Variants in ARHGAP21 observed in about 807,000 individuals in gnomAD.
The protein encoded by ARHGAP21 is rho GTPase-activating protein 21.
Under a neutral mutation model 164.6 loss-of-function variants are expected in ARHGAP21, and 38 were observed. The observed-to-expected ratio is 0.23, with a 90% CI of 0.18 to 0.30. The LOEUF (loss-of-function observed/expected upper bound fraction) is 0.30, where lower values mean the gene tolerates loss of function less well. Ranked by LOEUF, ARHGAP21 falls within the 10% of genes least tolerant of loss-of-function variation. ARHGAP21 has a pLI of 1.00. For synonymous variants in ARHGAP21, 766 were observed against 857.9 expected (o/e 0.89, Z 1.87); for missense variants, 1,822 against 2,370.7 (o/e 0.77, Z 4.81).
At chr10:24,626,781 C>T (rs1383790708) in intron 7 of ARHGAP21, among the ~76,000 whole-genome samples, 2 of 151,998 alleles carry the variant, frequency 1.3e-5, no homozygotes, top group African/African-American at 2.4e-5. Context: ...GCAATAAACA[C>T]GAACCTGTCT....
intron 4 of ARHGAP21, among the ~76,000 whole-genome samples, chr10:24,647,150 G>A (rs935716054): frequency 1.3e-4 from 20 of 152,130 alleles, no homozygotes; most frequent in African/African-American, 3.9e-4. Flanking sequence ...TTCATGCACT[G>A]TTTTTCAAAC....
chr10:24,673,011 A>G (rs1219384891), intron 2 of ARHGAP21, among the ~76,000 whole-genome samples: 9 of 152,238 alleles, frequency 5.9e-5, no homozygotes, highest in Admixed American at 2.0e-4. Flanking sequence ...GATTTGTAAG[A>G]TCTACAAACT....
chr10:24,637,867 T>A (rs1836543332), intron 4 of ARHGAP21, among the ~76,000 whole-genome samples: 1 of 127,906 alleles, frequency 7.8e-6, no homozygotes, highest in Non-Finnish European at 1.6e-5. Context: ...CTTGCTCACA[T>A]TTTTTTTTTT....
rs771558851 is a variant in ARHGAP21, at chr10:24,620,243, T to A, written c.1652A>T (p.Lys551Ile). 1 of 1,613,966 alleles carries A rather than the reference T, an allele frequency of 6.2e-7. No homozygotes were observed. The highest frequency in any genetic ancestry group is 1.3e-5 in the African/African-American group (1 of 75,022). Residue 551 changes from lysine to isoleucine, a missense_variant, in exon 9 of 26, where the codon AAA becomes ATA. Lys to Ile is a moderately radical substitution (Grantham distance 102, BLOSUM62 -3). This residue lies in a region of ARHGAP21 where 1,090 missense variants were observed against 1,378.9 expected (regional missense o/e 0.79). Coordinates refer to ENST00000396432, the MANE Select transcript of ARHGAP21 (RefSeq NM_020824.4). ...CERPRQQEIH[K>I]SFRGSNFTVA... ...AGTAAAATTGGAACCTCGAAAAGATTTATGAATTTCTTGCTGCCTAGGTCT... is the reference window on the plus strand; with the variant it reads ...AGTAAAATTGGAACCTCGAAAAGATATATGAATTTCTTGCTGCCTAGGTCT...
intron 6 of ARHGAP21, among the ~76,000 whole-genome samples, chr10:24,631,901 T>A (rs1835890215): frequency 6.6e-6 from 1 of 152,022 alleles, no homozygotes; most frequent in African/African-American, 2.4e-5. Context: ...GCTAATTTTT[T>A]GTAGAGACAG....
At chr10:24,650,231 C>T (rs1225019648) in intron 4 of ARHGAP21, among the ~76,000 whole-genome samples, 2 of 152,052 alleles carry the variant, frequency 1.3e-5, no homozygotes, top group Admixed American at 6.6e-5. Context: ...TGGAGCCAGG[C>T]GCAGTGGCTC....
At chr10:24,626,233 C>A (rs1203429507) in intron 7 of ARHGAP21, among the ~76,000 whole-genome samples, 1 of 152,132 alleles carries the variant, frequency 6.6e-6, no homozygotes, top group Non-Finnish European at 1.5e-5. Flanking sequence ...GAAGTATGCC[C>A]CGATCTAGTT....
chr10:24,597,318 C>T (rs1289345696), intron 16 of ARHGAP21, 129 bp downstream of exon 16: 1 of 1,237,344 alleles, frequency 8.1e-7, no homozygotes, highest in Non-Finnish European at 1.1e-6. Flanking sequence ...CCAGACCAAG[C>T]CTACTATGAA....
chr10:24,697,924 G>C (rs1031021409), intron 2 of ARHGAP21, among the ~76,000 whole-genome samples: 1 of 151,946 alleles, frequency 6.6e-6, no homozygotes, highest in African/African-American at 2.4e-5. Flanking sequence ...TTCAACTAAA[G>C]AGCCAGTAGT....
chr10:24,605,243 T>C (rs1359011179), intron 11 of ARHGAP21, among the ~76,000 whole-genome samples: 8 of 152,288 alleles, frequency 5.3e-5, no homozygotes, highest in Admixed American at 3.9e-4. Flanking sequence ...CTGCACTACA[T>C]TGATTTCTGA....
chr10:24,625,733 T>C lies in ARHGAP21; in HGVS notation c.496-2971A>G, dbSNP rs985470726. ...CTTAAATAGGATATTGTACTGATAA[T>C]AGAACACATGAAATGCTTATTTTAA... On this transcript the variant is annotated intron_variant, in intron 7 of 25. Transcript: ENST00000396432. Among the ~76,000 whole-genome samples, 77 of 152,174 alleles carry C rather than the reference T, an allele frequency of 5.1e-4. 1 individual carries two copies. Among genetic ancestry groups the C allele is most frequent in the Admixed American group, 3.8e-3 (58 of 15,270 alleles).
chr10:24,683,095 CAAAAAA>C (rs200968718), intron 2 of ARHGAP21, among the ~76,000 whole-genome samples: 40 of 88,996 alleles, frequency 4.5e-4, no homozygotes, highest in African/African-American at 4.5e-4. Context: ...AACTCCATCT[CAAAAAA>C]AAAAAAAAAA....
chr10:24,685,267 CAA>C (rs981209706), intron 2 of ARHGAP21, among the ~76,000 whole-genome samples: 1 of 152,044 alleles, frequency 6.6e-6, no homozygotes, highest in Non-Finnish European at 1.5e-5. Flanking sequence ...AATACATATT[CAA>C]AAGAGTTTAG....
chr10:24,594,000 T>G (rs1416523268), intron 21 of ARHGAP21, among the ~76,000 whole-genome samples: 1 of 152,132 alleles, frequency 6.6e-6, no homozygotes, highest in Non-Finnish European at 1.5e-5. Flanking sequence ...AATCAATCCT[T>G]ACAACTTCCA....
At position 24,702,127 on chromosome 10, in the gene ARHGAP21, CT is replaced by C. The variant is rs71798625; in HGVS notation, c.63+19709del. Among the ~76,000 whole-genome samples the C allele has an allele frequency of 7.0e-3, 732 of 104,550 alleles. 5 individuals are homozygous for C. Among genetic ancestry groups the C allele is most frequent in the East Asian group, 0.04 (135 of 3,386 alleles). The allele number at this position is 104,550 out of a possible 152,430, so 68.6% of individuals were successfully genotyped here. On this transcript the variant is annotated intron_variant, in intron 2 of 25. Transcript: ENST00000396432. Reference sequence around the variant, plus strand: ...TGAGGGGGAGAAAATACTTCCGGTTCTTTTTTTTTTTTTTTTTTTTTGAGAC... The same window carrying C: ...TGAGGGGGAGAAAATACTTCCGGTTCTTTTTTTTTTTTTTTTTTTTGAGAC...
Position 24,594,429 on chromosome 10 carries a change from C to T in ARHGAP21, c.3876+521G>A, listed in dbSNP as rs1592945475. 2.0e-5 allele frequency among the ~76,000 whole-genome samples: 3 copies of T among 152,094 alleles called. No individual in the cohort carries two copies. In the East Asian group the frequency reaches 5.8e-4, roughly 29 times the overall value. The stretch of plus-strand genomic sequence containing the variant: ...GGGAGGCAGGTGAATTGCTTGAGCC[C>T]AGAAGTTTGAGACTAGCCTGGGCAA... On this transcript the variant is annotated intron_variant, in intron 21 of 25. Transcript: ENST00000396432.
At chr10:24,662,392 T>C (rs1317334561) in intron 4 of ARHGAP21, among the ~76,000 whole-genome samples, 1 of 152,210 alleles carries the variant, frequency 6.6e-6, no homozygotes, top group Non-Finnish European at 1.5e-5. Context: ...TACTACCACT[T>C]ACTAGCAGTG....
chr10:24,624,941 C>T (rs368796392), intron 7 of ARHGAP21, among the ~76,000 whole-genome samples: 17 of 149,270 alleles, frequency 1.1e-4, no homozygotes, highest in African/African-American at 4.2e-4. Flanking sequence ...TTTCTTTACC[C>T]TTGTACTTAA....
chr10:24,674,424 C>T (rs7901716), intron 2 of ARHGAP21, among the ~76,000 whole-genome samples: 2,644 of 152,220 alleles, frequency 0.017, 69 homozygotes, highest in African/African-American at 0.053. Context: ...ATCCCAGCTA[C>T]TCAGGAGAAT....
Sources: gnomAD v4.1 joint callset for allele counts (sites outside exome capture counted in the v4.1 genomes callset) on GRCh38, gnomAD v4.1.1 for gene constraint, gnomAD v4.1.1 regional missense constraint, MANE v1.5 for transcripts, NCBI Gene and HGNC (gene_info 2026-07-23, HGNC 2026-07-21) for gene names.